DACH2: variants seen among roughly 807,000 people sequenced by gnomAD.
DACH2 encodes dachshund family transcription factor 2.
A neutral mutation model predicts 35.8 loss-of-function variants in DACH2; 17 were observed. The observed-to-expected ratio is 0.48, with a 90% confidence interval of 0.33 to 0.71. DACH2 has a LOEUF of 0.71. Ranked by LOEUF, DACH2 falls within the 30% of genes least tolerant of loss-of-function variation. The pLI is 0.02. For missense variants in DACH2, 469 were observed against 472.7 expected (o/e 0.99, Z 0.07); for synonymous variants, 195 against 177.3 (o/e 1.10, Z -0.79).
chrX:86,586,464 C>T (rs754469779), intron 3 of DACH2, among the ~76,000 whole-genome samples: 93 of 111,404 alleles, frequency 8.3e-4, no homozygotes, highest in African/African-American at 2.9e-3. Context: ...TTGCTTTTGC[C>T]ATCTTCATCA....
chrX:86,695,829 A>G (rs999188170), intron 5 of DACH2, among the ~76,000 whole-genome samples: 4 of 111,219 alleles, frequency 3.6e-5, no homozygotes, highest in African/African-American at 1.3e-4. Context: ...TTTGAATTCT[A>G]CATCATTGTT....
chrX:86,151,620 G>T (rs895796720), intron 1 of DACH2, among the ~76,000 whole-genome samples: 1 of 110,965 alleles, frequency 9.0e-6, no homozygotes, highest in African/African-American at 3.3e-5. Flanking sequence ...GATTCGAAGT[G>T]CCCTCCTAAC....
At chrX:86,644,505 G>A (rs770309373) in intron 3 of DACH2, among the ~76,000 whole-genome samples, 35 of 111,119 alleles carry the variant, frequency 3.1e-4, no homozygotes, top group South Asian at 3.0e-3. Flanking sequence ...CCAAAGCAAT[G>A]TACAAATTTA....
At chrX:86,618,866 A>G (rs921133734) in intron 3 of DACH2, among the ~76,000 whole-genome samples, 7 of 111,953 alleles carry the variant, frequency 6.3e-5, no homozygotes, top group African/African-American at 2.3e-4. Flanking sequence ...AGGAAGAAGA[A>G]TTTATACTTG....
intron 4 of DACH2, among the ~76,000 whole-genome samples, chrX:86,658,655 A>G (rs184640597): frequency 8.9e-6 from 1 of 111,786 alleles, no homozygotes; most frequent in Non-Finnish European, 1.9e-5. Context: ...TTTATAATCA[A>G]TCACTAAAGG....
chrX:86,396,935 T>C (rs1056788302), intron 2 of DACH2, among the ~76,000 whole-genome samples: 2 of 111,145 alleles, frequency 1.8e-5, no homozygotes, highest in Non-Finnish European at 3.8e-5. Flanking sequence ...AGAAAGTCAT[T>C]GGTAGCTTGA....
intron 2 of DACH2, among the ~76,000 whole-genome samples, chrX:86,470,539 T>C (rs191674661): frequency 1.8e-5 from 2 of 111,495 alleles, no homozygotes; most frequent in East Asian, 5.6e-4. Context: ...AAATTGAAAA[T>C]TAATACAATA....
At chrX:86,388,219 G>C (rs770612580) in intron 2 of DACH2, among the ~76,000 whole-genome samples, 1 of 111,709 alleles carries the variant, frequency 9.0e-6, no homozygotes, top group Non-Finnish European at 1.9e-5. Context: ...AGTTGGAAGC[G>C]CTTTGTCACT....
chrX:86,417,089 CA>C (rs386417185), intron 2 of DACH2, among the ~76,000 whole-genome samples: 57 of 23,029 alleles, frequency 2.5e-3, no homozygotes, highest in Non-Finnish European at 2.7e-3. Flanking sequence ...GACTCCATCT[CA>C]AAAAAAAAAA....
chrX:86,457,309 C>A (rs1240685355), intron 2 of DACH2, among the ~76,000 whole-genome samples: 2 of 111,729 alleles, frequency 1.8e-5, no homozygotes, highest in East Asian at 2.8e-4. Flanking sequence ...TGTTACATAA[C>A]CTATTACCTC....
In DACH2 at chrX:86,703,203, C is replaced by T. The variant is rs370633475; in HGVS notation, c.931+8024C>T. 5.8e-3 allele frequency among the ~76,000 whole-genome samples: 630 copies of T among 108,234 alleles called. 5 individuals are homozygous for T. The highest frequency in any genetic ancestry group is 0.02 in the African/African-American group (599 of 29,695). The allele number at this position is 108,234 out of a possible 115,157, so 94.0% of individuals were successfully genotyped here. ...ATCTCAATAAATGCAGAAAAAAATTCAATGAAATCAAGCATTCCTTTATTA... is the reference window on the plus strand; with the variant it reads ...ATCTCAATAAATGCAGAAAAAAATTTAATGAAATCAAGCATTCCTTTATTA... On this transcript the variant is annotated intron_variant, in intron 5 of 11. Coordinates refer to ENST00000373125, the MANE Select transcript of DACH2 (RefSeq NM_053281.3).
chrX:86,436,877 C>G (rs1400737396), intron 2 of DACH2, among the ~76,000 whole-genome samples: 1 of 111,384 alleles, frequency 9.0e-6, no homozygotes, highest in Non-Finnish European at 1.9e-5. Context: ...ATGTGTCTTT[C>G]AAGGAGCTGG....
intron 3 of DACH2, among the ~76,000 whole-genome samples, chrX:86,534,253 T>C (rs773628298): frequency 2.7e-5 from 3 of 111,326 alleles, no homozygotes; most frequent in South Asian, 7.5e-4. Flanking sequence ...ATGGCAACAG[T>C]TTTGTGGAGT....
At chrX:86,355,617 C>T (rs1440598703) in intron 1 of DACH2, among the ~76,000 whole-genome samples, 1 of 111,638 alleles carries the variant, frequency 9.0e-6, no homozygotes, top group Non-Finnish European at 1.9e-5. Context: ...GCTGCCTCCA[C>T]CTCCTGGGCT....
At chrX:86,811,651 G>A (rs2042395860) in intron 7 of DACH2, among the ~76,000 whole-genome samples, 1 of 111,566 alleles carries the variant, frequency 9.0e-6, no homozygotes, top group Non-Finnish European at 1.9e-5. Context: ...ACCCCATCAT[G>A]CACTGCTGAT....
intron 1 of DACH2, among the ~76,000 whole-genome samples, chrX:86,359,176 T>A (rs762283488): frequency 9.1e-6 from 1 of 109,492 alleles, no homozygotes; most frequent in African/African-American, 3.3e-5. Context: ...GTAATTTTAT[T>A]ACAATTAAAA....
intron 1 of DACH2, among the ~76,000 whole-genome samples, chrX:86,237,864 C>T (rs1383913717): frequency 8.9e-6 from 1 of 111,952 alleles, no homozygotes; most frequent in Non-Finnish European, 1.9e-5. Flanking sequence ...GTGGTGACTG[C>T]AAGCTTGGAG....
chrX:86,403,600 A>G (rs932841475), intron 2 of DACH2, among the ~76,000 whole-genome samples: 1 of 112,057 alleles, frequency 8.9e-6, no homozygotes, highest in African/African-American at 3.2e-5. Context: ...TGGGAATGTA[A>G]ATCAGTTCAG....
At chrX:86,658,139 C>A (rs973787508) in intron 4 of DACH2, among the ~76,000 whole-genome samples, 3 of 111,660 alleles carry the variant, frequency 2.7e-5, no homozygotes, top group Admixed American at 9.6e-5. Flanking sequence ...CACAAAAAAA[C>A]CAACCAGCAT....
Sources: allele counts gnomAD v4.1 joint callset (sites outside exome capture counted in the v4.1 genomes callset), GRCh38; gene constraint gnomAD v4.1.1; transcripts MANE v1.5; gene names NCBI Gene and HGNC (gene_info 2026-07-23, HGNC 2026-07-21).